The following TAS1R1 variants were observed in gnomAD, a reference collection of about 807,000 sequenced individuals.
The protein encoded by TAS1R1 is taste 1 receptor member 1.
Under a neutral mutation model 45.8 loss-of-function variants are expected in TAS1R1, and 31 were observed. That is an observed-to-expected ratio of 0.68 (90% CI 0.51 to 0.91). The LOEUF (loss-of-function observed/expected upper bound fraction) is 0.91, where lower values mean the gene tolerates loss of function less well. Among genes scored for constraint, TAS1R1 ranks in the 40% least tolerant of loss-of-function variants. TAS1R1 has a pLI of 0.00. For synonymous variants in TAS1R1, 437 were observed against 448.4 expected (o/e 0.97, Z 0.32); for missense variants, 1,051 against 1,063.9 (o/e 0.99, Z 0.17).
intron 1 of TAS1R1, among the ~76,000 whole-genome samples, chr1:6,558,894 C>CTTT (rs780826392): frequency 7.1e-6 from 1 of 139,992 alleles, no homozygotes; most frequent in Non-Finnish European, 1.6e-5. Flanking sequence ...AATTTTTGTA[C>CTTT]TTTTTTTTTT....
At chr1:6,561,054 T>C (rs531515338) in intron 1 of TAS1R1, among the ~76,000 whole-genome samples, 1 of 151,966 alleles carries the variant, frequency 6.6e-6, no homozygotes, top group African/African-American at 2.4e-5. Context: ...ATGGTTGTTC[T>C]TGAAGTAGCA....
Position 6,579,479 on chromosome 1 carries a change from T to C in TAS1R1, c.2421T>C (p.Tyr807=). The C allele has an allele frequency of 6.2e-7, 1 of 1,614,004 alleles. No homozygotes were observed. The highest frequency in any genetic ancestry group is 1.1e-5 in the South Asian group (1 of 91,080). ...GCCTGAGCAGCGGCTTCGGTGGGTA[T>C]TTTCTGCCTAAGTGCTACGTGATCC... ...LSSLSSGFGG[Y]FLPKCYVILC... is the part of the protein sequence containing the mutation. Residue 807 remains tyrosine, a synonymous_variant, in exon 6 of 6, where the codon TAT becomes TAC. Coordinates refer to ENST00000333172, the MANE Select transcript of TAS1R1 (RefSeq NM_138697.4).
chr1:6,563,871 G>A (rs901720047), intron 1 of TAS1R1, among the ~76,000 whole-genome samples: 1 of 152,156 alleles, frequency 6.6e-6, no homozygotes, highest in Non-Finnish European at 1.5e-5. Context: ...TCGAGAGTGG[G>A]AATTTGGGGC....
chr1:6,559,361 A>G (rs1639741621), intron 1 of TAS1R1, among the ~76,000 whole-genome samples: 2 of 151,952 alleles, frequency 1.3e-5, no homozygotes, highest in South Asian at 4.2e-4. Flanking sequence ...GTAAACATTT[A>G]AATCAACAGA....
chr1:6,577,343 G>A (rs1305200483), intron 5 of TAS1R1, among the ~76,000 whole-genome samples: 1 of 152,064 alleles, frequency 6.6e-6, no homozygotes, highest in East Asian at 1.9e-4. Context: ...AGACCAGCCT[G>A]GCCAACATGG....
At position 6,578,746 on chromosome 1, in the gene TAS1R1, G is replaced by A. The variant is rs1228916436; in HGVS notation, c.1688G>A (p.Arg563His). 5 of 1,613,910 alleles carry A rather than the reference G, an allele frequency of 3.1e-6. No homozygotes were observed. Among genetic ancestry groups the A allele is most frequent in the African/African-American group, 2.7e-5 (2 of 75,052 alleles). ...FPRTVVFLAL[R>H]EHTSWVLLAA... ...CGCACTGTGGTGTTTTTGGCTTTGC[G>A]TGAGCACACCTCTTGGGTGCTGCTG... is the stretch of plus-strand genomic sequence containing the variant. Residue 563 changes from arginine (R) to histidine (H), a missense_variant, in exon 6 of 6, where the codon CGT becomes CAT. Transcript: ENST00000333172.
intron 5 of TAS1R1, among the ~76,000 whole-genome samples, chr1:6,577,770 G>T (rs997555124): frequency 1.3e-5 from 2 of 152,156 alleles, no homozygotes; most frequent in Non-Finnish European, 1.5e-5. Flanking sequence ...GGAGGTTGCA[G>T]TGAGCCAAGA....
At chr1:6,572,823 T>C (rs928495695) in intron 2 of TAS1R1, among the ~76,000 whole-genome samples, 1 of 152,048 alleles carries the variant, frequency 6.6e-6, no homozygotes, top group African/African-American at 2.4e-5. Context: ...TGGCCCAACA[T>C]TGCCACATCA....
intron 2 of TAS1R1, among the ~76,000 whole-genome samples, chr1:6,571,507 C>A (rs183933096): frequency 7.6e-4 from 116 of 152,360 alleles, no homozygotes; most frequent in Non-Finnish European, 1.2e-3. Context: ...TTCCCTCCTC[C>A]CTCCAGAGGT....
chr1:6,560,991 A>AAG (rs1159529955), intron 1 of TAS1R1, among the ~76,000 whole-genome samples: 1 of 150,854 alleles, frequency 6.6e-6, no homozygotes, highest in Non-Finnish European at 1.5e-5. Context: ...TGTCTCAAAA[A>AAG]AAAAAAAAAA....
chr1:6,575,420 G>A (rs1040097935), intron 3 of TAS1R1, 28 bp downstream of exon 3: 6 of 1,523,746 alleles, frequency 3.9e-6, no homozygotes, highest in Non-Finnish European at 5.3e-6. Context: ...AGCACCTCCT[G>A]TCAGGGAGAA....
At position 6,564,826 on chromosome 1, in the gene TAS1R1, G is replaced by A. The variant is rs533711430; in HGVS notation, c.192-6083G>A. ...GAGAAGGTGTCTATAAGAGTAAGAA[G>A]AAATTTTGTCCTCTTGACGGGAGGC... is the stretch of plus-strand genomic sequence containing the variant. On this transcript the variant is annotated intron_variant, in intron 1 of 5. Transcript: ENST00000333172. 2.7e-4 allele frequency among the ~76,000 whole-genome samples: 41 copies of A among 152,330 alleles called. No individual in the cohort carries two copies. In the South Asian group the frequency reaches 3.5e-3, roughly 13 times the overall value.
chr1:6,579,687 G>C lies in TAS1R1; in HGVS notation c.*103G>C. The C allele has an allele frequency of 6.8e-7, 1 of 1,462,104 alleles. No individual in the cohort carries two copies. 90.6% of individuals were successfully genotyped at this position (1,462,104 alleles called of 1,614,324 possible). A position where few individuals can be genotyped will look rare whatever the true frequency, so the allele number is the denominator to read the frequency against. On this transcript the variant is annotated 3_prime_UTR_variant, in exon 6 of 6. Transcript: ENST00000333172. ...AGGTCTTTGGGCATCGCGGTCTGGG[G>C]TTGGGACGTGTAAGCGCCTGGGAGA...
rs1386124021 is a variant in TAS1R1 at position 6,571,200 on chromosome 1, T to G, written c.483T>G (p.Pro161=). 10 of 1,567,444 alleles carry G rather than the reference T, an allele frequency of 6.4e-6. No individual in the cohort carries two copies. The South Asian group carries it at 1.2e-4, about 19-fold the overall frequency. ...CCACCACAGCCGCCCTGCTGAGCCC[T>G]TTCCTGGTGCCCATGGTAAGCTGGA... ...RAATTAALLS[P]FLVPMISYAA... The change falls in exon 2 of 6, where the codon CCT becomes CCG. Residue 161 remains proline, a synonymous_variant. Coordinates refer to ENST00000333172, the MANE Select transcript of TAS1R1 (RefSeq NM_138697.4).
intron 1 of TAS1R1, among the ~76,000 whole-genome samples, chr1:6,568,460 A>AG (rs1307562533): frequency 6.9e-6 from 1 of 145,802 alleles, no homozygotes; most frequent in East Asian, 2.1e-4. Context: ...GTCTCAAAAA[A>AG]GAAAAAAAAA....
intron 1 of TAS1R1, among the ~76,000 whole-genome samples, chr1:6,561,335 C>T (rs1477893083): frequency 6.6e-6 from 1 of 152,166 alleles, no homozygotes; most frequent in Non-Finnish European, 1.5e-5. Flanking sequence ...CAGCACTCTT[C>T]TCCTAAGAAG....
At chr1:6,578,092 G>A (rs1025695874) in intron 5 of TAS1R1, among the ~76,000 whole-genome samples, 1 of 152,160 alleles carries the variant, frequency 6.6e-6, no homozygotes, top group Admixed American at 6.5e-5. Flanking sequence ...GAAAAAAACA[G>A]CATTCCCCAT....
At position 6,571,512 on chromosome 1, in the gene TAS1R1, A is replaced by C. The variant is rs1297230380; in HGVS notation, c.498+297A>C. On this transcript the variant is annotated intron_variant, in intron 2 of 5. Transcript: ENST00000333172. The stretch of plus-strand genomic sequence containing the variant: ...TGCCCTCCACTTCCCTCCTCCCTCC[A>C]GAGGTTCCGTTGCCTTTGTTAGGAA... 4.6e-5 allele frequency among the ~76,000 whole-genome samples: 7 copies of C among 152,202 alleles called. No individual in the cohort carries two copies. In the East Asian group the frequency reaches 1.4e-3, roughly 29 times the overall value.
chr1:6,561,300 T>C (rs1639783740), intron 1 of TAS1R1, among the ~76,000 whole-genome samples: 1 of 152,212 alleles, frequency 6.6e-6, no homozygotes, highest in African/African-American at 2.4e-5. Context: ...CATCTCGTAC[T>C]AGTCCTGACT....
Sources: allele counts gnomAD v4.1 joint callset (sites outside exome capture counted in the v4.1 genomes callset), GRCh38; gene constraint gnomAD v4.1.1; transcripts MANE v1.5; gene names NCBI Gene and HGNC (gene_info 2026-07-23, HGNC 2026-07-21).